GABRB1: variants seen among roughly 807,000 people sequenced by gnomAD.
The protein encoded by GABRB1 is gamma-aminobutyric acid type A receptor subunit beta1, also known as gamma-aminobutyric acid receptor subunit beta-1.
GABRB1 carries 17 observed loss-of-function variants against 51.6 expected under a neutral mutation model. The ratio of observed to expected loss-of-function variants is 0.33; its 90% CI spans 0.23 to 0.49. The LOEUF (loss-of-function observed/expected upper bound fraction) is 0.49. GABRB1 is among the 20% of genes least tolerant of loss of function. GABRB1 has a pLI of 0.99. For missense variants in GABRB1, 410 were observed against 600.6 expected (o/e 0.68, Z 3.32); for synonymous variants, 247 against 218.9 (o/e 1.13, Z -1.14).
chr4:47,373,357 CAT>C (rs752166751), intron 5 of GABRB1, among the ~76,000 whole-genome samples: 1 of 152,180 alleles, frequency 6.6e-6, no homozygotes, highest in Non-Finnish European at 1.5e-5. Context: ...TGTCATCACA[CAT>C]GTTTGTAGTT....
At chr4:47,241,077 A>G (rs1721500998) in intron 4 of GABRB1, among the ~76,000 whole-genome samples, 1 of 152,140 alleles carries the variant, frequency 6.6e-6, no homozygotes, top group Non-Finnish European at 1.5e-5. Context: ...GAAGTTTCCA[A>G]TTCAGAAATC....
intron 4 of GABRB1, among the ~76,000 whole-genome samples, chr4:47,295,232 C>T (rs993154135): frequency 3.7e-4 from 56 of 152,202 alleles, no homozygotes; most frequent in Non-Finnish European, 1.3e-4. Flanking sequence ...CAGTTCCTCA[C>T]CAGCAACGGA....
At chr4:47,086,436 A>G (rs2109577558) in intron 3 of GABRB1, among the ~76,000 whole-genome samples, 1 of 152,340 alleles carries the variant, frequency 6.6e-6, no homozygotes, top group South Asian at 2.1e-4. Flanking sequence ...ATATTCTTTT[A>G]TATTAGACTT....
intron 5 of GABRB1, among the ~76,000 whole-genome samples, chr4:47,386,117 C>T (rs909167553): frequency 6.6e-6 from 1 of 152,170 alleles, no homozygotes; most frequent in Non-Finnish European, 1.5e-5. Context: ...TCTCTGCTCT[C>T]TGGAGGTTGA....
At chr4:47,351,310 T>C (rs929201109) in intron 5 of GABRB1, among the ~76,000 whole-genome samples, 1 of 152,234 alleles carries the variant, frequency 6.6e-6, no homozygotes, top group African/African-American at 2.4e-5. Flanking sequence ...CAAGTGTGTC[T>C]ATAATAATTC....
intron 4 of GABRB1, among the ~76,000 whole-genome samples, chr4:47,231,029 T>G (rs2109835510): frequency 6.6e-6 from 1 of 152,232 alleles, no homozygotes; most frequent in East Asian, 1.9e-4. Flanking sequence ...ACTAGTTCAG[T>G]AAGAAAACAG....
intron 4 of GABRB1, among the ~76,000 whole-genome samples, chr4:47,171,756 T>A (rs1393658740): frequency 6.6e-6 from 1 of 152,160 alleles, no homozygotes; most frequent in South Asian, 2.1e-4. Context: ...ATTTATAGAA[T>A]TGAGATAATA....
At chr4:47,033,866 C>G (rs980431073) in intron 3 of GABRB1, among the ~76,000 whole-genome samples, 26 of 152,048 alleles carry the variant, frequency 1.7e-4, no homozygotes, top group East Asian at 1.2e-3. Flanking sequence ...ATTTTAAAAA[C>G]GTAATACACA....
At chr4:47,317,308 C>T (rs1724928496) in intron 4 of GABRB1, among the ~76,000 whole-genome samples, 1 of 151,936 alleles carries the variant, frequency 6.6e-6, no homozygotes, top group African/African-American at 2.4e-5. Flanking sequence ...TTTAGTAATT[C>T]CCAGAGAATA....
chr4:47,291,112 G>A lies in GABRB1; in HGVS notation c.462-29015G>A, dbSNP rs531175463. Among the ~76,000 whole-genome samples, 8 of 152,242 alleles carry A rather than the reference G, an allele frequency of 5.3e-5. No homozygotes were observed. In the South Asian group the frequency reaches 6.2e-4, roughly 12 times the overall value. ...CTAGGAGAAAATGGTTTCCTGGGAC[G>A]GGCCCAGGGTCCCCCACTGTGTGTA... On this transcript the variant is annotated intron_variant, in intron 4 of 8. Coordinates refer to ENST00000295454, the MANE Select transcript of GABRB1 (RefSeq NM_000812.4).
intron 4 of GABRB1, among the ~76,000 whole-genome samples, chr4:47,214,956 C>T: frequency 6.6e-6 from 1 of 152,146 alleles, no homozygotes; most frequent in East Asian, 1.9e-4. Context: ...GAGTAAAGTG[C>T]TTTTGGTCCC....
At chr4:47,364,112 T>C (rs758390103) in intron 5 of GABRB1, among the ~76,000 whole-genome samples, 12 of 152,282 alleles carry the variant, frequency 7.9e-5, no homozygotes, top group Non-Finnish European at 1.6e-4. Flanking sequence ...AGACACAATA[T>C]AACAGCAGCC....
chr4:47,367,988 G>C (rs59707276), intron 5 of GABRB1, among the ~76,000 whole-genome samples: 1 of 152,136 alleles, frequency 6.6e-6, no homozygotes, highest in Non-Finnish European at 1.5e-5. Flanking sequence ...AGTATCTATC[G>C]CAACAGTAAC....
chr4:47,277,291 A>G (rs1465333672), intron 4 of GABRB1, among the ~76,000 whole-genome samples: 1 of 152,064 alleles, frequency 6.6e-6, no homozygotes, highest in African/African-American at 2.4e-5. Flanking sequence ...GTTCTCACTT[A>G]TTTGTGGAAT....
intron 5 of GABRB1, among the ~76,000 whole-genome samples, chr4:47,386,169 G>T (rs1159979063): frequency 6.6e-6 from 1 of 152,144 alleles, no homozygotes; most frequent in East Asian, 1.9e-4. Flanking sequence ...TCTGGGTATG[G>T]TCTTTTTGAC....
At chr4:47,288,290 T>C (rs1437041314) in intron 4 of GABRB1, among the ~76,000 whole-genome samples, 1 of 150,810 alleles carries the variant, frequency 6.6e-6, no homozygotes, top group African/African-American at 2.4e-5. Flanking sequence ...TAAGATGGAG[T>C]CTCACTCTGT....
intron 4 of GABRB1, among the ~76,000 whole-genome samples, chr4:47,205,330 G>A (rs1170508728): frequency 6.6e-6 from 1 of 152,104 alleles, no homozygotes; most frequent in African/African-American, 2.4e-5. Flanking sequence ...GATATATTCA[G>A]CTCAAAGGAA....
chr4:47,375,603 A>G (rs185203677), intron 5 of GABRB1, among the ~76,000 whole-genome samples: 117 of 152,314 alleles, frequency 7.7e-4, no homozygotes, highest in African/African-American at 2.8e-3. Flanking sequence ...AGATTCTATC[A>G]TCTTATAGCA....
At chr4:47,076,187 C>T (rs750550700) in intron 3 of GABRB1, among the ~76,000 whole-genome samples, 11 of 152,184 alleles carry the variant, frequency 7.2e-5, no homozygotes, top group Non-Finnish European at 1.3e-4. Flanking sequence ...CCCTGACCAC[C>T]TGCTAGGCCT....
Sources: gnomAD v4.1 joint callset for allele counts (sites outside exome capture counted in the v4.1 genomes callset) on GRCh38, gnomAD v4.1.1 for gene constraint, MANE v1.5 for transcripts, NCBI Gene and HGNC (gene_info 2026-07-23, HGNC 2026-07-21) for gene names.